The following CBFA2T2 variants were observed in gnomAD, a reference collection of about 807,000 sequenced individuals.
The protein encoded by CBFA2T2 is protein CBFA2T2.
In CBFA2T2, 11 loss-of-function variants were observed where a neutral mutation model predicts 62.2. The ratio of observed to expected loss-of-function variants is 0.18; its 90% CI spans 0.11 to 0.29. CBFA2T2 has a LOEUF of 0.29. Among genes scored for constraint, CBFA2T2 ranks in the 10% least tolerant of loss-of-function variants. The pLI is 1.00. For missense variants in CBFA2T2, 592 were observed against 774.1 expected (o/e 0.76, Z 2.79); for synonymous variants, 295 against 287.5 (o/e 1.03, Z -0.27).
At chr20:33,600,071 A>T (rs1359825594) in intron 1 of CBFA2T2, among the ~76,000 whole-genome samples, 3 of 151,694 alleles carry the variant, frequency 2.0e-5, no homozygotes, top group Non-Finnish European at 4.4e-5. Context: ...ATCCTTAAGC[A>T]TGTACTATGT....
chr20:33,642,956 A>G (rs1258130699), intron 10 of CBFA2T2, among the ~76,000 whole-genome samples: 1 of 152,158 alleles, frequency 6.6e-6, no homozygotes, highest in African/African-American at 2.4e-5. Flanking sequence ...GCACACCTGG[A>G]CCTATCCCTG....
At chr20:33,589,058 A>C (rs1034864962) in intron 1 of CBFA2T2, among the ~76,000 whole-genome samples, 1 of 152,224 alleles carries the variant, frequency 6.6e-6, no homozygotes, top group Non-Finnish European at 1.5e-5. Context: ...CCTATTTCTA[A>C]TAAAAACAAG....
chr20:33,501,494 G>A (rs1447744252), intron 1 of CBFA2T2, among the ~76,000 whole-genome samples: 1 of 152,104 alleles, frequency 6.6e-6, no homozygotes, highest in Non-Finnish European at 1.5e-5. Flanking sequence ...ATGCAGAATG[G>A]TGAGGGAGAA....
At chr20:33,510,531 A>G (rs2011491623) in intron 1 of CBFA2T2, among the ~76,000 whole-genome samples, 2 of 152,168 alleles carry the variant, frequency 1.3e-5, no homozygotes, top group East Asian at 1.9e-4. Context: ...AATCTAGTCT[A>G]TCATTGATGG....
intron 1 of CBFA2T2, among the ~76,000 whole-genome samples, chr20:33,494,052 T>G (rs1478874603): frequency 1.3e-5 from 2 of 150,636 alleles, no homozygotes; most frequent in South Asian, 2.1e-4. Context: ...CTGGTAATTT[T>G]GTGTTTTCAG....
chr20:33,588,666 G>T (rs1271187201), intron 1 of CBFA2T2, among the ~76,000 whole-genome samples: 2 of 152,154 alleles, frequency 1.3e-5, no homozygotes, highest in Non-Finnish European at 2.9e-5. Flanking sequence ...GCTGAAAAGG[G>T]CTGGGCATGG....
At position 33,577,883 on chromosome 20, in the gene CBFA2T2, A is replaced by G. The variant is rs543551563; in HGVS notation, c.35-29073A>G. Among the ~76,000 whole-genome samples the G allele has an allele frequency of 2.6e-5, 4 of 152,328 alleles. No homozygotes were observed. In the South Asian group the frequency reaches 8.3e-4, roughly 32 times the overall value. On this transcript the variant is annotated intron_variant, in intron 1 of 10. Coordinates refer to ENST00000342704, the MANE Select transcript of CBFA2T2 (RefSeq NM_001032999.3). ...ATTTTAGCACCATTCTTTGCGTGTA[A>G]TAAATATTTTGTTATTTCTAAATGA...
At chr20:33,581,480 T>TTG (rs3051490) in intron 1 of CBFA2T2, among the ~76,000 whole-genome samples, 6,932 of 150,642 alleles carry the variant, frequency 0.046, 423 homozygotes, top group African/African-American at 0.14. Flanking sequence ...TTTTTGTTCT[T>TTG]TGTGTGTGTG....
rs73622010 is a variant in CBFA2T2, at chr20:33,496,692, TC to T, written c.34+6394del. On this transcript the variant is annotated intron_variant, in intron 1 of 10. Transcript: ENST00000342704. ...GGGGTAAGAATGATCATCTTCAGTA[TC>T]CCTTTCCTTATCTGGCACTTATCCA... Among the ~76,000 whole-genome samples, 168 of 152,296 alleles carry T rather than the reference TC, an allele frequency of 1.1e-3. 3 individuals carry two copies. The East Asian group carries it at 0.032, about 29-fold the overall frequency.
At chr20:33,587,707 A>T (rs1044027877) in intron 1 of CBFA2T2, among the ~76,000 whole-genome samples, 1 of 152,224 alleles carries the variant, frequency 6.6e-6, no homozygotes, top group South Asian at 2.1e-4. Flanking sequence ...CCCCGTACCC[A>T]GTTTTAATTA....
At chr20:33,558,803 T>A (rs2012993388) in intron 1 of CBFA2T2, among the ~76,000 whole-genome samples, 1 of 150,890 alleles carries the variant, frequency 6.6e-6, no homozygotes. Context: ...TCAATAGAGA[T>A]CAATTTTTCG....
chr20:33,522,466 G>T (rs2011755817), intron 1 of CBFA2T2, among the ~76,000 whole-genome samples: 1 of 147,938 alleles, frequency 6.8e-6, no homozygotes, highest in South Asian at 2.1e-4. Flanking sequence ...AGTGACTCAT[G>T]CCTGTACTCT....
intron 1 of CBFA2T2, among the ~76,000 whole-genome samples, chr20:33,586,891 A>G (rs904441026): frequency 8.5e-5 from 13 of 152,190 alleles, no homozygotes; most frequent in Non-Finnish European, 1.2e-4. Flanking sequence ...GGAGAGTTTC[A>G]TAGAATTGTC....
chr20:33,549,861 C>CTT (rs368043905), intron 1 of CBFA2T2, among the ~76,000 whole-genome samples: 17 of 124,276 alleles, frequency 1.4e-4, no homozygotes, highest in Admixed American at 4.1e-4. Context: ...ATGGCTGCTG[C>CTT]TTTTTTTTTT....
chr20:33,538,313 T>G (rs910308618), intron 1 of CBFA2T2, among the ~76,000 whole-genome samples: 1 of 152,166 alleles, frequency 6.6e-6, no homozygotes, highest in Non-Finnish European at 1.5e-5. Flanking sequence ...TCCTGCAACT[T>G]GGCTAAATTC....
chr20:33,625,120 G>T, intron 6 of CBFA2T2, 103 bp downstream of exon 6: 2 of 1,151,862 alleles, frequency 1.7e-6, no homozygotes, highest in African/African-American at 1.5e-5. Flanking sequence ...CCACTGATTG[G>T]ATAAAACAAT....
chr20:33,539,761 A>C (rs1008136119), intron 1 of CBFA2T2, among the ~76,000 whole-genome samples: 3 of 150,328 alleles, frequency 2.0e-5, no homozygotes, highest in Non-Finnish European at 4.4e-5. Context: ...ATCACAGCTT[A>C]CTTCAGCCTC....
At chr20:33,532,717 A>C (rs1320902557) in intron 1 of CBFA2T2, among the ~76,000 whole-genome samples, 1 of 152,208 alleles carries the variant, frequency 6.6e-6, no homozygotes, top group Non-Finnish European at 1.5e-5. Context: ...TTTCAGTTGT[A>C]TTTATCGGTA....
At chr20:33,576,889 C>G (rs2013852764) in intron 1 of CBFA2T2, among the ~76,000 whole-genome samples, 1 of 152,232 alleles carries the variant, frequency 6.6e-6, no homozygotes, top group Non-Finnish European at 1.5e-5. Flanking sequence ...TTATTCTGTA[C>G]TGGGTGGAGT....
Sources: allele counts gnomAD v4.1 joint callset (sites outside exome capture counted in the v4.1 genomes callset), GRCh38; gene constraint gnomAD v4.1.1; transcripts MANE v1.5; gene names NCBI Gene and HGNC (gene_info 2026-07-23, HGNC 2026-07-21).